Variants in TFAP2C observed in about 807,000 individuals in gnomAD.
TFAP2C encodes the protein activating enhancer-binding protein 2 gamma.
TFAP2C carries 9 observed loss-of-function variants against 42.9 expected under a neutral mutation model. The ratio of observed to expected loss-of-function variants is 0.21; its 90% CI spans 0.13 to 0.37. TFAP2C has a LOEUF of 0.37. Among genes scored for constraint, TFAP2C ranks in the 10% least tolerant of loss-of-function variants. TFAP2C has a pLI of 1.00. For missense variants in TFAP2C, 462 were observed against 591.7 expected (o/e 0.78, Z 2.27); for synonymous variants, 264 against 256.0 (o/e 1.03, Z -0.30).
chr20:56,631,010 C>T lies in TFAP2C; in HGVS notation c.49-195C>T, dbSNP rs1414847754. The T allele has an allele frequency of 3.0e-6, 3 of 985,288 alleles. No individual in the cohort carries two copies. The highest frequency in any genetic ancestry group is 1.1e-4 in the East Asian group (1 of 8,810). The allele number at this position is 985,288 out of a possible 1,614,324, so 61.0% of individuals were successfully genotyped here. A position where few individuals can be genotyped will look rare whatever the true frequency, so the allele number is the denominator to read the frequency against. On this transcript the variant is annotated intron_variant, in intron 1 of 6. Coordinates refer to ENST00000201031, the MANE Select transcript of TFAP2C (RefSeq NM_003222.4). This position sits in a 1 kb window ranked among gnomAD's most constrained non-coding sequence, Gnocchi z 6.1. ...CCAGGTCTTTCACCAGACTCTCCTC[C>T]CTCCCCGCACTCTTTGCTTACAACG...
intron 3 of TFAP2C, among the ~76,000 whole-genome samples, chr20:56,632,398 G>T (rs1028237171): frequency 6.6e-6 from 1 of 152,158 alleles, no homozygotes; most frequent in African/African-American, 2.4e-5. Flanking sequence ...TTTGCAGGAT[G>T]GGGAGGAGGG....
In TFAP2C at chr20:56,629,513, A is replaced by C; in HGVS notation, c.-32A>C. ...GGGGGCTGGGGGGATCCTGGATTTA[A>C]CTGGCGACTGTTTTGGGGGACGCCG... On this transcript the variant is annotated 5_prime_UTR_variant, in exon 1 of 7. Coordinates refer to ENST00000201031, the MANE Select transcript of TFAP2C (RefSeq NM_003222.4). This position sits in a 1 kb window ranked among gnomAD's most constrained non-coding sequence, Gnocchi z 5.9. 7.2e-7 allele frequency: 1 copy of C among 1,397,388 alleles called. No homozygotes were observed. Among genetic ancestry groups the C allele is most frequent in the Non-Finnish European group, 9.3e-7 (1 of 1,071,430 alleles). 86.6% of individuals were successfully genotyped at this position (1,397,388 alleles called of 1,614,324 possible). A position where few individuals can be genotyped will look rare whatever the true frequency, so the allele number is the denominator to read the frequency against.
chr20:56,638,938 C>CT lies in TFAP2C; in HGVS notation c.*931dup, dbSNP rs982539336. 6.6e-6 allele frequency: 1 copy of CT among 152,586 alleles called. No homozygotes were observed. Among genetic ancestry groups the CT allele is most frequent in the Non-Finnish European group, 1.5e-5 (1 of 68,006 alleles). 9.5% of individuals were successfully genotyped at this position (152,586 alleles called of 1,614,324 possible). A position where few individuals can be genotyped will look rare whatever the true frequency, so the allele number is the denominator to read the frequency against. On this transcript the variant is annotated 3_prime_UTR_variant, in exon 7 of 7. Transcript: ENST00000201031. ...GTAAATACTGGTGCACTTCTTACGACTTTTTTGAGACATGGGATCCAATTT... is the reference window on the plus strand; with the variant it reads ...GTAAATACTGGTGCACTTCTTACGACTTTTTTTGAGACATGGGATCCAATTT...
At position 56,630,695 on chromosome 20, in the gene TFAP2C, G is replaced by A. The variant is rs2146445717; in HGVS notation, c.49-510G>A. 1 of 985,360 alleles carries A rather than the reference G, an allele frequency of 1.0e-6. No homozygotes were observed. Among genetic ancestry groups the A allele is most frequent in the Non-Finnish European group, 1.2e-6 (1 of 829,888 alleles). The allele number at this position is 985,360 out of a possible 1,614,324, so 61.0% of individuals were successfully genotyped here. A position where few individuals can be genotyped will look rare whatever the true frequency, so the allele number is the denominator to read the frequency against. On this transcript the variant is annotated intron_variant, in intron 1 of 6. Coordinates refer to ENST00000201031, the MANE Select transcript of TFAP2C (RefSeq NM_003222.4). The surrounding 1 kb of genome is among the most constrained non-coding windows in gnomAD (Gnocchi z 5.1). ...CGGAGGTCTTTGTCCCGAGGGCGTG[G>A]AAGGGAGGGTCCCGGGGGCGGGGGA...
chr20:56,636,201 G>A (rs572741699), intron 5 of TFAP2C, among the ~76,000 whole-genome samples: 27 of 152,096 alleles, frequency 1.8e-4, no homozygotes, highest in Non-Finnish European at 3.7e-4. Flanking sequence ...ATATGATTTC[G>A]TTCTTGCATG....
rs555992781 is a variant in TFAP2C, at chr20:56,629,306, A to G, written c.-239A>G. 2.6e-5 allele frequency: 10 copies of G among 391,250 alleles called. No individual in the cohort carries two copies. In the South Asian group the frequency reaches 4.2e-4, roughly 16 times the overall value. The allele number at this position is 391,250 out of a possible 1,614,324, so 24.2% of individuals were successfully genotyped here. Reference sequence around the variant, plus strand: ...GCGCTCGGGTCCCCCGGCTATCGCCAGGACACACTGTTCGGGCGCGGCTTT... The same window carrying G: ...GCGCTCGGGTCCCCCGGCTATCGCCGGGACACACTGTTCGGGCGCGGCTTT... On this transcript the variant is annotated 5_prime_UTR_variant, in exon 1 of 7. Coordinates refer to ENST00000201031, the MANE Select transcript of TFAP2C (RefSeq NM_003222.4). The surrounding 1 kb of genome is among the most constrained non-coding windows in gnomAD (Gnocchi z 5.9).
Position 56,630,305 on chromosome 20 carries a change from T to TGGAGGGCTGCCCCTGCCC in TFAP2C, c.48+715_48+732dup, listed in dbSNP as rs1322616354. 1.5e-4 allele frequency: 58 copies of TGGAGGGCTGCCCCTGCCC among 391,352 alleles called. No homozygotes were observed. The highest frequency in any genetic ancestry group is 2.0e-4 in the Non-Finnish European group (39 of 191,140). 24.2% of individuals were successfully genotyped at this position (391,352 alleles called of 1,614,324 possible). A position where few individuals can be genotyped will look rare whatever the true frequency, so the allele number is the denominator to read the frequency against. ...GGGAGTTCACTGCGCCTCCGGGCCCTGGAGGGCTGCCCCTGCCCGCAGGCC... is the reference window on the plus strand; with the variant it reads ...GGGAGTTCACTGCGCCTCCGGGCCCTGGAGGGCTGCCCCTGCCCGGAGGGCTGCCCCTGCCCGCAGGCC... On this transcript the variant is annotated intron_variant, in intron 1 of 6. Transcript: ENST00000201031. The surrounding 1 kb of genome is among the most constrained non-coding windows in gnomAD (Gnocchi z 5.1).
chr20:56,635,845 T>C (rs1987573691), intron 5 of TFAP2C, among the ~76,000 whole-genome samples: 1 of 152,194 alleles, frequency 6.6e-6, no homozygotes. Context: ...CATCCTTCCG[T>C]ATAGTTTAAA....
At position 56,638,816 on chromosome 20, in the gene TFAP2C, G is replaced by A. The variant is rs1401093830; in HGVS notation, c.*803G>A. Reference sequence around the variant, plus strand: ...AAGGGTAGGCACGAAGCAATTTGTTGCTGCTTGTCACCCCCAAGTCCCCGT... The same window carrying A: ...AAGGGTAGGCACGAAGCAATTTGTTACTGCTTGTCACCCCCAAGTCCCCGT... On this transcript the variant is annotated 3_prime_UTR_variant, in exon 7 of 7. Coordinates refer to ENST00000201031, the MANE Select transcript of TFAP2C (RefSeq NM_003222.4). The A allele has an allele frequency of 6.6e-6, 1 of 152,516 alleles. No homozygotes were observed. The highest frequency in any genetic ancestry group is 1.5e-5 in the Non-Finnish European group (1 of 68,028). The allele number at this position is 152,516 out of a possible 1,614,324, so 9.4% of individuals were successfully genotyped here.
At position 56,633,477 on chromosome 20, in the gene TFAP2C, G is replaced by A. The variant is rs772553731; in HGVS notation, c.711G>A (p.Thr237=). The A allele has an allele frequency of 2.3e-5, 37 of 1,613,970 alleles. No homozygotes were observed. In the South Asian group the frequency reaches 2.4e-4, roughly 11 times the overall value. Residue 237 remains threonine (T), a synonymous_variant, in exon 4 of 7, where the codon ACG becomes ACA. Coordinates refer to ENST00000201031, the MANE Select transcript of TFAP2C (RefSeq NM_003222.4). Reference sequence around the variant, plus strand: ...GAAGATTGTCGCTCCTCAGCTCTACGTCTAAATACAAAGTGACAGTGGCTG... The same window carrying A: ...GAAGATTGTCGCTCCTCAGCTCTACATCTAAATACAAAGTGACAGTGGCTG... ...VPGRLSLLSS[T]SKYKVTVAEV...
intron 5 of TFAP2C, among the ~76,000 whole-genome samples, chr20:56,635,304 C>G (rs2146448756): frequency 6.6e-6 from 1 of 152,268 alleles, no homozygotes; most frequent in South Asian, 2.1e-4. Flanking sequence ...AACAATGGCT[C>G]TCCAAGGCTG....
chr20:56,638,159 A>C lies in TFAP2C; in HGVS notation c.*146A>C. ...TTTAAAGAGCCTTCACTGGTTCTGC[A>C]TCACCCGCCCCTGGACTTCTTAGTT... On this transcript the variant is annotated 3_prime_UTR_variant, in exon 7 of 7. Coordinates refer to ENST00000201031, the MANE Select transcript of TFAP2C (RefSeq NM_003222.4). 1 of 703,340 alleles carries C rather than the reference A, an allele frequency of 1.4e-6. No individual in the cohort carries two copies. Among genetic ancestry groups the C allele is most frequent in the South Asian group, 2.0e-5 (1 of 50,790 alleles). The allele number at this position is 703,340 out of a possible 1,614,324, so 43.6% of individuals were successfully genotyped here.
rs1470147840 is a variant in TFAP2C at position 56,638,623 on chromosome 20, T to G, written c.*610T>G. 1 of 152,320 alleles carries G rather than the reference T, an allele frequency of 6.6e-6. No individual in the cohort carries two copies. Among genetic ancestry groups the G allele is most frequent in the African/African-American group, 2.4e-5 (1 of 41,368 alleles). 9.4% of individuals were successfully genotyped at this position (152,320 alleles called of 1,614,324 possible). ...CGGGGGCCTTCTGGTTTTAGGAAACTTGTAGAAACGAAGCCTGCTGATTGA... is the reference window on the plus strand; with the variant it reads ...CGGGGGCCTTCTGGTTTTAGGAAACGTGTAGAAACGAAGCCTGCTGATTGA... On this transcript the variant is annotated 3_prime_UTR_variant, in exon 7 of 7. Transcript: ENST00000201031.
In TFAP2C at chr20:56,634,216, G is replaced by C. The variant is rs765031276; in HGVS notation, c.870G>C (p.Pro290=). 3.7e-6 allele frequency: 6 copies of C among 1,614,220 alleles called. No individual in the cohort carries two copies. The highest frequency in any genetic ancestry group is 4.2e-6 in the Non-Finnish European group (5 of 1,180,036). The part of the protein sequence containing the change: ...EKLDKIGLNL[P]AGRRKAAHVT... ...TGGACAAGATTGGGTTGAATCTTCCGGCCGGGAGGCGGAAAGCCGCTCATG... is the reference window on the plus strand; with the variant it reads ...TGGACAAGATTGGGTTGAATCTTCCCGCCGGGAGGCGGAAAGCCGCTCATG... The change falls in exon 5 of 7, where the codon CCG becomes CCC. Residue 290 remains proline, a synonymous_variant. Transcript: ENST00000201031.
chr20:56,631,902 G>C lies in TFAP2C; in HGVS notation c.586+46G>C, dbSNP rs1987501160. On this transcript the variant is annotated intron_variant, in intron 3 of 6. Transcript: ENST00000201031. The surrounding 1 kb of genome is among the most constrained non-coding windows in gnomAD (Gnocchi z 6.1). ...GTCTAACTCTGGTCACACGATCTGG[G>C]CTTGTGAAGTTGACTGGCAAGGTTG... The C allele has an allele frequency of 6.2e-7, 1 of 1,610,076 alleles. No homozygotes were observed. Among genetic ancestry groups the C allele is most frequent in the African/African-American group, 1.3e-5 (1 of 74,862 alleles).
At chr20:56,637,525 A>T (rs1987606699) in intron 6 of TFAP2C, among the ~76,000 whole-genome samples, 1 of 152,244 alleles carries the variant, frequency 6.6e-6, no homozygotes, top group Non-Finnish European at 1.5e-5. Context: ...TAAATAAGAT[A>T]GTGCTTTAAA....
At chr20:56,635,235 G>A (rs1987562367) in intron 5 of TFAP2C, among the ~76,000 whole-genome samples, 1 of 152,182 alleles carries the variant, frequency 6.6e-6, no homozygotes, top group Non-Finnish European at 1.5e-5. Context: ...AGAATCGGCG[G>A]TTCTGCTGGG....
rs1987471196 is a variant in TFAP2C, at chr20:56,630,697, A to AG, written c.49-505dup. On this transcript the variant is annotated intron_variant, in intron 1 of 6. Coordinates refer to ENST00000201031, the MANE Select transcript of TFAP2C (RefSeq NM_003222.4). The surrounding 1 kb of genome is among the most constrained non-coding windows in gnomAD (Gnocchi z 5.1). ...GAGGTCTTTGTCCCGAGGGCGTGGA[A>AG]GGGAGGGTCCCGGGGGCGGGGGAGG... 1 of 985,038 alleles carries AG rather than the reference A, an allele frequency of 1.0e-6. No individual in the cohort carries two copies. Among genetic ancestry groups the AG allele is most frequent in the Non-Finnish European group, 1.2e-6 (1 of 829,798 alleles). 61.0% of individuals were successfully genotyped at this position (985,038 alleles called of 1,614,324 possible). A position where few individuals can be genotyped will look rare whatever the true frequency, so the allele number is the denominator to read the frequency against.
intron 5 of TFAP2C, 139 bp from the exon 6 acceptor site, chr20:56,636,471 A>T (rs1242593839): frequency 3.5e-6 from 3 of 865,322 alleles, no homozygotes; most frequent in East Asian, 5.4e-5. Context: ...GGTTGCAGTG[A>T]GCAGAGATCG....
Sources: allele counts gnomAD v4.1 joint callset (sites outside exome capture counted in the v4.1 genomes callset), GRCh38; gene constraint gnomAD v4.1.1; non-coding constraint Gnocchi (gnomAD v3.1); transcripts MANE v1.5; gene names NCBI Gene and HGNC (gene_info 2026-07-23, HGNC 2026-07-21).